The following MPPED2 variants were observed in gnomAD, a reference collection of about 807,000 sequenced individuals.
The protein encoded by MPPED2 is metallophosphoesterase domain containing 2.
In MPPED2, 5 loss-of-function variants were observed where a neutral mutation model predicts 33.0. The observed-to-expected ratio is 0.15, with a 90% CI of 0.08 to 0.32. The LOEUF is 0.32. Ranked by LOEUF, MPPED2 falls within the 10% of genes least tolerant of loss-of-function variation. The pLI is 1.00. For missense variants in MPPED2, 275 were observed against 372.1 expected, an observed-to-expected ratio of 0.74 and a Z score of 2.15; for synonymous variants, 136 against 141.9, an observed-to-expected ratio of 0.96 and a Z score of 0.29.
downstream of MPPED2, among the ~76,000 whole-genome samples, chr11:30,407,862 C>T (rs1948014109): frequency 1.3e-5 from 2 of 151,668 alleles, no homozygotes; most frequent in Admixed American, 6.6e-5. Context: ...CAAAGCGAGA[C>T]TCTGTCAAAT....
intron 4 of MPPED2, among the ~76,000 whole-genome samples, chr11:30,432,387 A>C (rs1949119054): frequency 6.6e-6 from 1 of 151,746 alleles, no homozygotes; most frequent in African/African-American, 2.4e-5. Context: ...TAAATAGAAC[A>C]TTGTGCAAGG....
intron 4 of MPPED2, among the ~76,000 whole-genome samples, chr11:30,441,077 C>T (rs186530778): frequency 3.3e-5 from 5 of 152,230 alleles, no homozygotes; most frequent in East Asian, 1.9e-4. Context: ...TCTGGGTTAC[C>T]GAGCAGAACT....
In MPPED2 at chr11:30,586,263, C is replaced by G. The variant is rs980460901; in HGVS notation, c.-343G>C. On this transcript the variant is annotated 5_prime_UTR_variant, in exon 1 of 7. Transcript: ENST00000358117. The surrounding 1 kb of genome is among the most constrained non-coding windows in gnomAD (Gnocchi z 4.8). ...GAGGGAGGCGGGGGGAGAAAGGACC[C>G]GAGCAGCCTCGATCTGGGGAGAGAG... 6.5e-6 allele frequency: 1 copy of G among 153,010 alleles called. No homozygotes were observed. The highest frequency in any genetic ancestry group is 1.5e-5 in the Non-Finnish European group (1 of 68,836). The allele number at this position is 153,010 out of a possible 1,614,324, so 9.5% of individuals were successfully genotyped here. A position where few individuals can be genotyped will look rare whatever the true frequency, so the allele number is the denominator to read the frequency against.
chr11:30,390,873 T>C (rs1438162906), intron 6 of MPPED2, among the ~76,000 whole-genome samples: 1 of 152,092 alleles, frequency 6.6e-6, no homozygotes, highest in Non-Finnish European at 1.5e-5. Context: ...CCTCTTATCT[T>C]CTAGTCAATG....
At chr11:30,398,700 T>C (rs1947867784) in intron 6 of MPPED2, among the ~76,000 whole-genome samples, 1 of 152,124 alleles carries the variant, frequency 6.6e-6, no homozygotes, top group Non-Finnish European at 1.5e-5. Context: ...CAATCAAACA[T>C]CACCCAGCCA....
chr11:30,434,590 T>C (rs141901403), intron 4 of MPPED2, among the ~76,000 whole-genome samples: 2 of 152,326 alleles, frequency 1.3e-5, no homozygotes, highest in Non-Finnish European at 2.9e-5. Flanking sequence ...CATTTCCAGT[T>C]CTGCATAAAA....
chr11:30,465,294 T>C (rs1950661612), intron 4 of MPPED2, among the ~76,000 whole-genome samples: 1 of 152,156 alleles, frequency 6.6e-6, no homozygotes, highest in African/African-American at 2.4e-5. Context: ...TTTTGTGTGT[T>C]TTTTTTCTTT....
chr11:30,393,238 A>C (rs1947801818), intron 6 of MPPED2, among the ~76,000 whole-genome samples: 1 of 151,920 alleles, frequency 6.6e-6, no homozygotes. Context: ...CCTTCCTAAT[A>C]GACAACCCTA....
intron 4 of MPPED2, among the ~76,000 whole-genome samples, chr11:30,424,497 C>T (rs896619884): frequency 2.0e-5 from 3 of 152,166 alleles, no homozygotes; most frequent in Non-Finnish European, 4.4e-5. Context: ...CACTTCACAG[C>T]GCCTTTCACA....
chr11:30,561,841 G>A (rs1956253850), intron 2 of MPPED2, among the ~76,000 whole-genome samples: 1 of 152,152 alleles, frequency 6.6e-6, no homozygotes, highest in Non-Finnish European at 1.5e-5. Context: ...CAACACCAAT[G>A]ATAGAGAACA....
intron 2 of MPPED2, among the ~76,000 whole-genome samples, chr11:30,541,262 G>T (rs1955093935): frequency 1.3e-5 from 2 of 152,214 alleles, no homozygotes; most frequent in East Asian, 3.9e-4. Context: ...TGACATATTA[G>T]GGTTTTTTTA....
At chr11:30,562,264 T>A (rs929155387) in intron 2 of MPPED2, among the ~76,000 whole-genome samples, 1 of 152,128 alleles carries the variant, frequency 6.6e-6, no homozygotes, top group African/African-American at 2.4e-5. Context: ...GAAATGGCAG[T>A]GGTTTCTGGA....
chr11:30,469,950 G>A (rs1950878605), intron 4 of MPPED2, among the ~76,000 whole-genome samples: 1 of 152,154 alleles, frequency 6.6e-6, no homozygotes, highest in African/African-American at 2.4e-5. Context: ...TCCATGGAGA[G>A]TAGCTTCAGC....
chr11:30,578,295 G>A (rs1276961967), intron 2 of MPPED2, among the ~76,000 whole-genome samples: 1 of 152,148 alleles, frequency 6.6e-6, no homozygotes, highest in South Asian at 2.1e-4. Context: ...GAAGCAGAGG[G>A]TTCAGATGGG....
intron 3 of MPPED2, among the ~76,000 whole-genome samples, chr11:30,530,898 G>A (rs1954484435): frequency 6.6e-6 from 1 of 152,186 alleles, no homozygotes; most frequent in African/African-American, 2.4e-5. Context: ...AAGAGGCCTT[G>A]CAAAATGTAC....
intron 2 of MPPED2, among the ~76,000 whole-genome samples, chr11:30,544,585 T>C (rs1281611244): frequency 1.3e-5 from 2 of 152,196 alleles, no homozygotes; most frequent in Non-Finnish European, 2.9e-5. Flanking sequence ...TTCATAAGCA[T>C]TTATTGAGCA....
At chr11:30,570,662 C>T (rs996670750) in intron 2 of MPPED2, among the ~76,000 whole-genome samples, 1 of 152,186 alleles carries the variant, frequency 6.6e-6, no homozygotes, top group East Asian at 1.9e-4. Flanking sequence ...AGAAGGCTAA[C>T]TCTTTCAGTA....
At chr11:30,427,219 A>G (rs1284577586) in intron 4 of MPPED2, among the ~76,000 whole-genome samples, 1 of 152,196 alleles carries the variant, frequency 6.6e-6, no homozygotes, top group Non-Finnish European at 1.5e-5. Context: ...TTACATAGCG[A>G]ACTCTCAAGA....
Position 30,586,216 on chromosome 11 carries a change from G to C in MPPED2, c.-296C>G, listed in dbSNP as rs1000870675. The C allele has an allele frequency of 6.5e-6, 1 of 153,120 alleles. No homozygotes were observed. Among genetic ancestry groups the C allele is most frequent in the Non-Finnish European group, 1.5e-5 (1 of 68,822 alleles). 9.5% of individuals were successfully genotyped at this position (153,120 alleles called of 1,614,324 possible). On this transcript the variant is annotated 5_prime_UTR_variant, in exon 1 of 7. Transcript: ENST00000358117. The surrounding 1 kb of genome is among the most constrained non-coding windows in gnomAD (Gnocchi z 4.8). Reference sequence around the variant, plus strand: ...GAGGTCCCGCCGCAGGCTGGGGCTGGGGGCCAGGGGGCGCGGCGCTAGAGG... The same window carrying C: ...GAGGTCCCGCCGCAGGCTGGGGCTGCGGGCCAGGGGGCGCGGCGCTAGAGG...
Sources: allele counts gnomAD v4.1 joint callset (sites outside exome capture counted in the v4.1 genomes callset), GRCh38; gene constraint gnomAD v4.1.1; non-coding constraint Gnocchi (gnomAD v3.1); transcripts MANE v1.5; gene names NCBI Gene and HGNC (gene_info 2026-07-23, HGNC 2026-07-21).